Variants in FRYL observed in about 807,000 individuals in gnomAD.
FRYL encodes FRY like transcription coactivator, also known as protein furry homolog-like.
FRYL carries 150 observed loss-of-function variants against 351.2 expected under a neutral mutation model. The observed-to-expected ratio is 0.43, with a 90% CI of 0.37 to 0.49. The LOEUF (loss-of-function observed/expected upper bound fraction) is 0.49. Among genes scored for constraint, FRYL ranks in the 20% least tolerant of loss-of-function variants. The pLI is 0.00. For synonymous variants in FRYL, 1,153 were observed against 1,257.1 expected (o/e 0.92, Z 1.75); for missense variants, 3,036 against 3,619.3 (o/e 0.84, Z 4.13).
intron 1 of FRYL, among the ~76,000 whole-genome samples, chr4:48,767,258 G>T (rs1775057156): frequency 6.6e-6 from 1 of 152,002 alleles, no homozygotes; most frequent in Admixed American, 6.6e-5. Flanking sequence ...GAGAGAGAGG[G>T]AAGGGGGATG....
chr4:48,569,107 A>G (rs933897863), intron 27 of FRYL, among the ~76,000 whole-genome samples: 2 of 152,254 alleles, frequency 1.3e-5, no homozygotes, highest in African/African-American at 4.8e-5. Context: ...AATTTTAAAT[A>G]CAGCAAAATT....
intron 3 of FRYL, among the ~76,000 whole-genome samples, chr4:48,657,732 A>G (rs1759542777): frequency 6.7e-6 from 1 of 148,600 alleles, no homozygotes; most frequent in African/African-American, 2.5e-5. Flanking sequence ...TTTAGATTAT[A>G]TATTAAAGAA....
At chr4:48,779,666 G>A (rs1182763981) in intron 1 of FRYL, among the ~76,000 whole-genome samples, 1 of 151,948 alleles carries the variant, frequency 6.6e-6, no homozygotes, top group African/African-American at 2.4e-5. Context: ...CGGCTCCCGC[G>A]AGTCGGTGGC....
At chr4:48,656,374 C>CTAAATATATTATATAATATATAA (rs1560799770) in intron 3 of FRYL, among the ~76,000 whole-genome samples, 8 of 127,914 alleles carry the variant, frequency 6.3e-5, no homozygotes, top group East Asian at 4.3e-4. Context: ...ATAATATATA[C>CTAAATATATTATATAATATATAA]TAAATATATA....
At chr4:48,764,655 T>G (rs1774768161) in intron 1 of FRYL, among the ~76,000 whole-genome samples, 1 of 152,004 alleles carries the variant, frequency 6.6e-6, no homozygotes, top group Non-Finnish European at 1.5e-5. Context: ...TACGAATAAA[T>G]TTAAACAAGG....
intron 47 of FRYL, 105 bp downstream of exon 47, chr4:48,539,866 T>C (rs1422305719): frequency 5.1e-6 from 4 of 779,150 alleles, no homozygotes; most frequent in East Asian, 2.7e-5. Context: ...AAAATTCATA[T>C]GGGAAGTGAC....
At chr4:48,557,900 A>G (rs1405098415) in intron 33 of FRYL, among the ~76,000 whole-genome samples, 188 bp from the exon 34 acceptor site, 1 of 152,242 alleles carries the variant, frequency 6.6e-6, no homozygotes, top group Admixed American at 6.5e-5. Context: ...GCTAACATAA[A>G]TCACATACAT....
intron 19 of FRYL, among the ~76,000 whole-genome samples, chr4:48,583,494 T>C (rs1334982214): frequency 6.6e-6 from 1 of 151,968 alleles, no homozygotes; most frequent in Non-Finnish European, 1.5e-5. Flanking sequence ...GGATGGCTGA[T>C]TGTGAAGAAG....
intron 3 of FRYL, chr4:48,637,711 T>C (rs1754522842): frequency 6.6e-6 from 1 of 152,130 alleles, no homozygotes; most frequent in South Asian, 2.1e-4. Context: ...CTAGCATTCC[T>C]GCTCTGTCTC....
chr4:48,627,963 G>T (rs567393537), intron 4 of FRYL, among the ~76,000 whole-genome samples: 1 of 152,206 alleles, frequency 6.6e-6, no homozygotes, highest in East Asian at 1.9e-4. Flanking sequence ...TAGAGATGGG[G>T]TTTCACCATG....
intron 2 of FRYL, among the ~76,000 whole-genome samples, chr4:48,706,114 T>C (rs1341975425): frequency 6.6e-6 from 1 of 152,228 alleles, no homozygotes; most frequent in Non-Finnish European, 1.5e-5. Flanking sequence ...ATTATAGGCA[T>C]GAGCCACTGC....
chr4:48,745,711 C>G (rs554695562), intron 1 of FRYL, among the ~76,000 whole-genome samples: 3 of 152,152 alleles, frequency 2.0e-5, no homozygotes, highest in African/African-American at 7.2e-5. Context: ...ATGTAACAAA[C>G]CTGCACGTTG....
At chr4:48,578,241 G>T (rs184348604) in intron 23 of FRYL, among the ~76,000 whole-genome samples, 2 of 152,240 alleles carry the variant, frequency 1.3e-5, no homozygotes, top group Admixed American at 1.3e-4. Flanking sequence ...ACAGAGTGAA[G>T]TCAGGTTTGA....
At chr4:48,598,161 G>T (rs1744993033) in intron 13 of FRYL, among the ~76,000 whole-genome samples, 1 of 152,110 alleles carries the variant, frequency 6.6e-6, no homozygotes, top group Non-Finnish European at 1.5e-5. Context: ...TTGAACTCAG[G>T]AGTTGGAGTC....
intron 4 of FRYL, among the ~76,000 whole-genome samples, chr4:48,632,811 T>C (rs1479760325): frequency 1.3e-5 from 2 of 152,208 alleles, no homozygotes; most frequent in South Asian, 2.1e-4. Context: ...TTCACAGCAA[T>C]TTCAAGGCTA....
chr4:48,601,590 G>A (rs1745708469), intron 13 of FRYL, among the ~76,000 whole-genome samples: 1 of 152,000 alleles, frequency 6.6e-6, no homozygotes. Context: ...AGATATGGCC[G>A]GGCATACTTA....
intron 3 of FRYL, among the ~76,000 whole-genome samples, chr4:48,655,437 C>A (rs1326436865): frequency 6.6e-6 from 1 of 151,856 alleles, no homozygotes; most frequent in Non-Finnish European, 1.5e-5. Flanking sequence ...TCCCACAGCC[C>A]AGAAACACTA....
At chr4:48,599,088 G>C (rs772578505) in intron 13 of FRYL, among the ~76,000 whole-genome samples, 14 of 152,012 alleles carry the variant, frequency 9.2e-5, no homozygotes, top group Middle Eastern at 3.4e-3. Context: ...CCAACTGAGA[G>C]AAAACAAAGT....
chr4:48,622,564 A>T (rs1380197721), intron 5 of FRYL, among the ~76,000 whole-genome samples: 1 of 151,942 alleles, frequency 6.6e-6, no homozygotes, highest in East Asian at 1.9e-4. Context: ...TGAACATTAA[A>T]CTCTATTTCT....
Sources: allele counts gnomAD v4.1 joint callset (sites outside exome capture counted in the v4.1 genomes callset), GRCh38; gene constraint gnomAD v4.1.1; transcripts MANE v1.5; gene names NCBI Gene and HGNC (gene_info 2026-07-23, HGNC 2026-07-21).